Variants in EPHB1 observed in about 807,000 individuals in gnomAD.
EPHB1 encodes EPH receptor B1.
A neutral mutation model predicts 94.4 loss-of-function variants in EPHB1; 30 were observed. The ratio of observed to expected loss-of-function variants is 0.32; its 90% confidence interval spans 0.24 to 0.43. The LOEUF is 0.43. EPHB1 is among the 20% of genes least tolerant of loss of function. The pLI is 1.00. For synonymous variants in EPHB1, 522 were observed against 489.1 expected, an observed-to-expected ratio of 1.07 and a Z score of -0.89; for missense variants, 1,055 against 1,308.3, an observed-to-expected ratio of 0.81 and a Z score of 2.99.
chr3:134,883,140 A>C (rs946612856), intron 1 of EPHB1, among the ~76,000 whole-genome samples: 18 of 152,204 alleles, frequency 1.2e-4, no homozygotes, highest in African/African-American at 3.4e-4. Flanking sequence ...AAGCTTTCTT[A>C]GGATTGAATG....
At chr3:134,834,703 G>A (rs1020364185) in intron 1 of EPHB1, among the ~76,000 whole-genome samples, 13 of 152,106 alleles carry the variant, frequency 8.5e-5, no homozygotes, top group African/African-American at 3.1e-4. Context: ...ATAAGTTGAG[G>A]ACATCCAGGT....
chr3:134,942,421 T>A (rs1391375017), intron 2 of EPHB1, among the ~76,000 whole-genome samples: 2 of 152,104 alleles, frequency 1.3e-5, no homozygotes, highest in Non-Finnish European at 2.9e-5. Context: ...ATAGGAGACA[T>A]AGAATTTGGG....
At chr3:135,006,834 A>C (rs1436853534) in intron 3 of EPHB1, among the ~76,000 whole-genome samples, 1 of 151,600 alleles carries the variant, frequency 6.6e-6, no homozygotes, top group African/African-American at 2.4e-5. Context: ...TTTTTTTTTC[A>C]AAATATTGTG....
At chr3:134,906,269 G>A (rs1293804585) in intron 1 of EPHB1, among the ~76,000 whole-genome samples, 1 of 152,140 alleles carries the variant, frequency 6.6e-6, no homozygotes, top group Non-Finnish European at 1.5e-5. Flanking sequence ...TCAGAATTAG[G>A]CCAGTCATCT....
chr3:134,799,748 C>A (rs1050229896), intron 1 of EPHB1, among the ~76,000 whole-genome samples: 1 of 152,160 alleles, frequency 6.6e-6, no homozygotes, highest in African/African-American at 2.4e-5. Context: ...GATCTCAGAG[C>A]CCCTACTTTG....
chr3:134,977,909 G>A (rs1934249862), intron 3 of EPHB1: 5 of 451,896 alleles, frequency 1.1e-5, no homozygotes, highest in South Asian at 7.9e-5. Context: ...ACCTGTGAAG[G>A]AGAGAATGGA....
intron 3 of EPHB1, among the ~76,000 whole-genome samples, chr3:134,970,083 CTT>C (rs1933908337): frequency 6.6e-6 from 1 of 152,132 alleles, no homozygotes; most frequent in African/African-American, 2.4e-5. Context: ...TTAATAATGT[CTT>C]TCACAAAGCA....
rs185468650 is a variant in EPHB1, at chr3:134,921,609, A to G, written c.59-4207A>G. Among the ~76,000 whole-genome samples the G allele has an allele frequency of 5.3e-5, 8 of 152,362 alleles. 1 individual carries two copies. Among genetic ancestry groups the G allele is most frequent in the African/African-American group, 1.9e-4 (8 of 41,594 alleles). On this transcript the variant is annotated intron_variant, in intron 1 of 15. Transcript: ENST00000398015. ...CCTTGGTCTTTACAACAATGCAAAG[A>G]AGAAAGCAGATGAAATATCATTAGA...
intron 12 of EPHB1, among the ~76,000 whole-genome samples, chr3:135,214,230 T>C (rs766361147): frequency 9.2e-5 from 14 of 152,222 alleles, no homozygotes; most frequent in Admixed American, 6.5e-4. Flanking sequence ...TTGCCCCCTG[T>C]GCTCTTGTCC....
chr3:135,156,687 G>A (rs932808524), intron 6 of EPHB1, among the ~76,000 whole-genome samples: 1 of 152,192 alleles, frequency 6.6e-6, no homozygotes, highest in African/African-American at 2.4e-5. Context: ...GTTTTATAAG[G>A]AGTTGATTCA....
At chr3:134,962,558 TGC>T (rs200258767) in intron 3 of EPHB1, among the ~76,000 whole-genome samples, 1 of 152,190 alleles carries the variant, frequency 6.6e-6, no homozygotes, top group African/African-American at 2.4e-5. Flanking sequence ...AGGCCGAATC[TGC>T]CTGGTTTGCT....
At chr3:135,170,285 T>C (rs1247755125) in intron 9 of EPHB1, among the ~76,000 whole-genome samples, 1 of 152,164 alleles carries the variant, frequency 6.6e-6, no homozygotes, top group Admixed American at 6.6e-5. Flanking sequence ...CTTCTCTAGC[T>C]AGTTGAGACG....
intron 1 of EPHB1, among the ~76,000 whole-genome samples, chr3:134,838,464 C>G (rs1260758474): frequency 6.6e-6 from 1 of 152,138 alleles, no homozygotes; most frequent in African/African-American, 2.4e-5. Flanking sequence ...AGGACATCTC[C>G]CAAATGTCTT....
chr3:135,101,625 A>C (rs758333570), intron 3 of EPHB1, among the ~76,000 whole-genome samples: 2,709 of 151,456 alleles, frequency 0.018, 39 homozygotes, highest in Non-Finnish European at 0.027. Context: ...CAGGTGATCC[A>C]CCCGCCTCGG....
intron 3 of EPHB1, among the ~76,000 whole-genome samples, chr3:134,986,212 GGAA>G (rs1934589645): frequency 6.6e-6 from 1 of 152,132 alleles, no homozygotes; most frequent in South Asian, 2.1e-4. Context: ...TGTGAGTGCT[GGAA>G]GAATCCCTCA....
chr3:134,967,770 A>C (rs1373728868), intron 3 of EPHB1, among the ~76,000 whole-genome samples: 1 of 152,194 alleles, frequency 6.6e-6, no homozygotes, highest in African/African-American at 2.4e-5. Context: ...GGACTAAGAC[A>C]AAAGGATGAT....
intron 3 of EPHB1, among the ~76,000 whole-genome samples, chr3:135,097,168 G>GTTTTTTTTTTTTTTTTTTTTTTTTTTTTT (rs145129220): frequency 9.6e-6 from 1 of 104,560 alleles, no homozygotes; most frequent in Non-Finnish European, 1.8e-5. Context: ...TTTTTTCTTT[G>GTTTTTTTTTTTTTTTTTTTTTTTTTTTTT]TTTTTTTTTT....
intron 3 of EPHB1, among the ~76,000 whole-genome samples, chr3:134,998,184 G>A (rs1239819752): frequency 6.6e-6 from 1 of 152,196 alleles, no homozygotes; most frequent in Non-Finnish European, 1.5e-5. Context: ...ACAGTTTCCT[G>A]CATGCACCAC....
chr3:135,025,572 T>C (rs1215957620), intron 3 of EPHB1, among the ~76,000 whole-genome samples: 1 of 51,632 alleles, frequency 1.9e-5, no homozygotes, highest in Non-Finnish European at 4.7e-5. Context: ...TAGTATTCCA[T>C]GGTGTATATG....
Sources: gnomAD v4.1 joint callset for allele counts (sites outside exome capture counted in the v4.1 genomes callset) on GRCh38, gnomAD v4.1.1 for gene constraint, MANE v1.5 for transcripts, NCBI Gene and HGNC (gene_info 2026-07-23, HGNC 2026-07-21) for gene names.